PPA2: variants seen among roughly 807,000 people sequenced by gnomAD.
PPA2 encodes the protein inorganic pyrophosphatase 2, also known as inorganic pyrophosphatase 2, mitochondrial.
PPA2 carries 48 observed loss-of-function variants against 49.5 expected under a neutral mutation model. That is an observed-to-expected ratio of 0.97 (90% CI 0.77 to 1.23). The LOEUF (loss-of-function observed/expected upper bound fraction) is 1.23, where lower values mean the gene tolerates loss of function less well. Ranked by LOEUF, PPA2 falls within the 50% of genes most tolerant of loss-of-function variation. PPA2 has a pLI of 0.00. For synonymous variants in PPA2, 131 were observed against 139.9 expected (o/e 0.94, Z 0.45); for missense variants, 429 against 410.1 (o/e 1.05, Z -0.40).
At chr4:105,448,605 T>C (rs899342791) in intron 4 of PPA2, among the ~76,000 whole-genome samples, 1 of 145,020 alleles carries the variant, frequency 6.9e-6, no homozygotes. Context: ...ACCAGAAAAA[T>C]AGCAGATGCT....
At chr4:105,404,789 A>C (rs1382698677) in intron 7 of PPA2, among the ~76,000 whole-genome samples, 1 of 152,202 alleles carries the variant, frequency 6.6e-6, no homozygotes, top group African/African-American at 2.4e-5. Flanking sequence ...TCTTTCAAAA[A>C]TAAATACACA....
At chr4:105,385,161 ACT>A (rs1733630399) in intron 10 of PPA2, among the ~76,000 whole-genome samples, 2 of 152,076 alleles carry the variant, frequency 1.3e-5, no homozygotes, top group Non-Finnish European at 2.9e-5. Flanking sequence ...CTTTTTAATA[ACT>A]ACAACTCCCA....
intron 3 of PPA2, among the ~76,000 whole-genome samples, chr4:105,451,403 C>T (rs539244165): frequency 2.6e-5 from 4 of 152,250 alleles, no homozygotes; most frequent in African/African-American, 9.6e-5. Flanking sequence ...ATGAGATAAA[C>T]AACAAAGCTG....
intron 7 of PPA2, among the ~76,000 whole-genome samples, chr4:105,406,145 T>C (rs1329526077): frequency 8.2e-6 from 1 of 122,548 alleles, no homozygotes; most frequent in Non-Finnish European, 1.8e-5. Flanking sequence ...AAAAGGAGGA[T>C]ATGAAATGAA....
At chr4:105,440,950 C>A (rs1724332384) in intron 5 of PPA2, among the ~76,000 whole-genome samples, 2 of 152,124 alleles carry the variant, frequency 1.3e-5, no homozygotes, top group African/African-American at 4.8e-5. Flanking sequence ...TCTTTATTTC[C>A]AACCTTTAAT....
At chr4:105,458,741 C>T (rs1033630297) in intron 1 of PPA2, among the ~76,000 whole-genome samples, 5 of 139,508 alleles carry the variant, frequency 3.6e-5, no homozygotes, top group African/African-American at 1.3e-4. Context: ...AGAATAGCTT[C>T]AACCCAGGAG....
At chr4:105,424,160 A>G (rs1485470893) in intron 7 of PPA2, 36 bp downstream of exon 7, 1 of 1,588,764 alleles carries the variant, frequency 6.3e-7, no homozygotes, top group African/African-American at 1.4e-5. Flanking sequence ...ATGACACACT[A>G]ATTTGCTTTC....
intron 3 of PPA2, among the ~76,000 whole-genome samples, chr4:105,451,598 A>C (rs1722680967): frequency 6.6e-6 from 1 of 152,220 alleles, no homozygotes; most frequent in Admixed American, 6.5e-5. Context: ...ATGTCCACAT[A>C]ATTTATTCAT....
intron 7 of PPA2, chr4:105,405,509 T>C: frequency 1.1e-6 from 1 of 921,762 alleles, no homozygotes; most frequent in Non-Finnish European, 1.3e-6. Context: ...GGAGAGGGAA[T>C]ATATAAATAG....
At chr4:105,396,355 A>T (rs878910485) in intron 8 of PPA2, 21 bp from the exon 9 acceptor site, 2 of 1,393,150 alleles carry the variant, frequency 1.4e-6, no homozygotes, top group Non-Finnish European at 9.9e-7. Context: ...ACAAACAAAT[A>T]AAAAAAGACG....
chr4:105,464,169 C>T (rs530670633), intron 1 of PPA2, among the ~76,000 whole-genome samples: 1 of 152,160 alleles, frequency 6.6e-6, no homozygotes, highest in Non-Finnish European at 1.5e-5. Context: ...CCCAAGACCA[C>T]AGGAACCCAC....
intron 7 of PPA2, among the ~76,000 whole-genome samples, chr4:105,404,753 C>A (rs1722381702): frequency 6.6e-6 from 1 of 152,146 alleles, no homozygotes; most frequent in South Asian, 2.1e-4. Context: ...CACTTACAGG[C>A]AAATTAATAG....
At chr4:105,423,339 A>T (rs1460587434) in intron 7 of PPA2, 2 of 152,188 alleles carry the variant, frequency 1.3e-5, no homozygotes, top group African/African-American at 4.8e-5. Flanking sequence ...AGAAATGGTA[A>T]TATCTTCCAG....
At chr4:105,426,017 G>C (rs1331426168) in intron 6 of PPA2, among the ~76,000 whole-genome samples, 1 of 152,088 alleles carries the variant, frequency 6.6e-6, no homozygotes, top group Non-Finnish European at 1.5e-5. Flanking sequence ...TAAAGACTTT[G>C]CAAAGGGGAA....
intron 1 of PPA2, among the ~76,000 whole-genome samples, chr4:105,460,212 A>T (rs1723027901): frequency 2.0e-5 from 3 of 152,242 alleles, no homozygotes; most frequent in Non-Finnish European, 4.4e-5. Context: ...TAATACAAAT[A>T]AAACAATACA....
At chr4:105,404,432 T>C (rs1356170966) in intron 7 of PPA2, among the ~76,000 whole-genome samples, 1 of 152,024 alleles carries the variant, frequency 6.6e-6, no homozygotes, top group East Asian at 1.9e-4. Flanking sequence ...AAATCAAAAC[T>C]CTAAAAATAT....
Position 105,433,133 on chromosome 4 carries a change from A to G in PPA2, c.528+4817T>C, listed in dbSNP as rs561480054. The stretch of plus-strand genomic sequence containing the variant: ...TTTTTCCCCTTACCATTCTCAGTAA[A>G]CAAAAAGGCTAGGAGAAGTTTTTTT... On this transcript the variant is annotated intron_variant, in intron 6 of 11. Coordinates refer to ENST00000341695, the MANE Select transcript of PPA2 (RefSeq NM_176869.3). Among the ~76,000 whole-genome samples the G allele has an allele frequency of 4.6e-5, 7 of 152,326 alleles. No homozygotes were observed. In the East Asian group the frequency reaches 1.3e-3, roughly 29 times the overall value.
chr4:105,452,227 T>C (rs1315532341), intron 3 of PPA2, among the ~76,000 whole-genome samples: 3 of 152,210 alleles, frequency 2.0e-5, no homozygotes, highest in Admixed American at 6.5e-5. Flanking sequence ...GTCTCTAACA[T>C]AAAAACTGTG....
chr4:105,395,899 GA>G (rs1560610979), intron 9 of PPA2, among the ~76,000 whole-genome samples: 1 of 151,998 alleles, frequency 6.6e-6, no homozygotes, highest in Non-Finnish European at 1.5e-5. Flanking sequence ...TGATCATGAT[GA>G]ATAAGGAGGC....
Sources: gnomAD v4.1 joint callset for allele counts (sites outside exome capture counted in the v4.1 genomes callset) on GRCh38, gnomAD v4.1.1 for gene constraint, MANE v1.5 for transcripts, NCBI Gene and HGNC (gene_info 2026-07-23, HGNC 2026-07-21) for gene names.